The following PRDX4 variants were observed in gnomAD, a reference collection of about 807,000 sequenced individuals.
PRDX4 encodes the protein peroxiredoxin-4.
In PRDX4, 12 loss-of-function variants were observed where a neutral mutation model predicts 20.5. The ratio of observed to expected loss-of-function variants is 0.58; its 90% confidence interval spans 0.37 to 0.95. The LOEUF (loss-of-function observed/expected upper bound fraction) is 0.95, where lower values mean the gene tolerates loss of function less well. Ranked by LOEUF, PRDX4 falls within the 40% of genes least tolerant of loss-of-function variation. The probability of loss-of-function intolerance (pLI) is 0.01; values close to 1 mark genes in which losing one functional copy is unlikely to be tolerated. For synonymous variants in PRDX4, 99 were observed against 87.5 expected (o/e 1.13, Z -0.73); for missense variants, 180 against 207.3 (o/e 0.87, Z 0.81).
intron 1 of PRDX4, among the ~76,000 whole-genome samples, chrX:23,670,349 GCTGT>G (rs1927820675): frequency 9.0e-6 from 1 of 111,666 alleles, no homozygotes; most frequent in Admixed American, 9.6e-5. Context: ...ATACTCTTCT[GCTGT>G]CTATTTCTCC....
chrX:23,686,121 A>G, intron 6 of PRDX4, 164 bp from the exon 7 acceptor site: 1 of 469,440 alleles, frequency 2.1e-6, no homozygotes, highest in Non-Finnish European at 3.8e-6. Flanking sequence ...GTCTTTTGGA[A>G]TAGCCGAAAT....
chrX:23,683,670 G>A lies in PRDX4; in HGVS notation c.731-1G>A. ...CTTCTGCCTCTTTTTGTTTCTTTTA[G>A]TCTGCCCTGCTGGCTGGAAACCTGG... On this transcript the variant is annotated splice_acceptor_variant, in intron 5 of 6. Coordinates refer to ENST00000379341, the MANE Select transcript of PRDX4 (RefSeq NM_006406.2). LOFTEE classifies it high-confidence loss of function. 1 of 1,206,390 alleles carries A rather than the reference G, an allele frequency of 8.3e-7. No homozygotes were observed. The highest frequency in any genetic ancestry group is 1.1e-6 in the Non-Finnish European group (1 of 893,161).
intron 2 of PRDX4, 26 bp from the exon 3 acceptor site, chrX:23,674,964 A>T: frequency 8.4e-7 from 1 of 1,192,115 alleles, no homozygotes; most frequent in South Asian, 1.8e-5. Context: ...GAGAATACTG[A>T]ATATTTTTTT....
At chrX:23,674,591 A>G (rs1927907992) in intron 2 of PRDX4, among the ~76,000 whole-genome samples, 1 of 58,242 alleles carries the variant, frequency 1.7e-5, no homozygotes, top group Non-Finnish European at 3.2e-5. Context: ...TTGGTATAGG[A>G]ATATTAAAAA....
intron 1 of PRDX4, among the ~76,000 whole-genome samples, chrX:23,670,844 C>T (rs1222012734): frequency 5.4e-5 from 6 of 111,930 alleles, no homozygotes; most frequent in Non-Finnish European, 1.1e-4. Context: ...GTAGCCTCAT[C>T]TGCAGCAGGT....
chrX:23,682,631 T>C (rs1422608256), intron 5 of PRDX4, 105 bp downstream of exon 5: 4 of 664,474 alleles, frequency 6.0e-6, no homozygotes, highest in African/African-American at 4.8e-5. Flanking sequence ...TTTCTGATTA[T>C]TTACAAATTA....
chrX:23,668,803 T>C (rs926179525), intron 1 of PRDX4, among the ~76,000 whole-genome samples: 3 of 35,347 alleles, frequency 8.5e-5, no homozygotes, highest in Non-Finnish European at 2.0e-4. Context: ...AATGTTGTTA[T>C]GACTTAGGAT....
chrX:23,680,674 T>G (rs1309883181), intron 4 of PRDX4, among the ~76,000 whole-genome samples: 1 of 109,985 alleles, frequency 9.1e-6, no homozygotes, highest in Non-Finnish European at 1.9e-5. Flanking sequence ...GAGGATCCCT[T>G]GAGCCCAGGA....
intron 4 of PRDX4, among the ~76,000 whole-genome samples, chrX:23,679,646 A>C (rs2146792132): frequency 9.5e-6 from 1 of 105,088 alleles, no homozygotes; most frequent in Non-Finnish European, 1.9e-5. Context: ...AGATCATGCC[A>C]CTGCACTCCA....
chrX:23,678,808 G>T lies in PRDX4; in HGVS notation c.477-357G>T, dbSNP rs971344300. On this transcript the variant is annotated intron_variant, in intron 3 of 6. Transcript: ENST00000379341. ...TAAAACATTAGCCCAGTGGGATGGT[G>T]CACACCTGTAGTCCCAGCTTCTCAG... 2.7e-5 allele frequency among the ~76,000 whole-genome samples: 3 copies of T among 110,792 alleles called. No individual in the cohort carries two copies. In the East Asian group the frequency reaches 8.4e-4, roughly 31 times the overall value.
At chrX:23,677,400 C>T (rs1038060086) in intron 3 of PRDX4, among the ~76,000 whole-genome samples, 1 of 111,522 alleles carries the variant, frequency 9.0e-6, no homozygotes, top group African/African-American at 3.3e-5. Context: ...TGACATGATG[C>T]TCAAAGGAAA....
chrX:23,675,625 A>C (rs1422740699), intron 3 of PRDX4, among the ~76,000 whole-genome samples: 1 of 112,397 alleles, frequency 8.9e-6, no homozygotes, highest in Non-Finnish European at 1.9e-5. Flanking sequence ...ACGAGATGCC[A>C]ATTTTCCCTG....
At chrX:23,681,188 G>A (rs764061554) in intron 4 of PRDX4, among the ~76,000 whole-genome samples, 16 of 110,347 alleles carry the variant, frequency 1.4e-4, no homozygotes, top group Non-Finnish European at 3.0e-4. Flanking sequence ...AGCCGAGATC[G>A]CGCCACTGCA....
At chrX:23,672,993 T>C (rs918367372) in intron 2 of PRDX4, among the ~76,000 whole-genome samples, 41 of 112,375 alleles carry the variant, frequency 3.6e-4, no homozygotes, top group African/African-American at 1.3e-3. Flanking sequence ...GTGACTTGAT[T>C]TTTTTAAGTA....
chrX:23,684,662 A>G (rs1292752983), intron 6 of PRDX4, among the ~76,000 whole-genome samples: 1 of 109,973 alleles, frequency 9.1e-6, no homozygotes, highest in African/African-American at 3.3e-5. Context: ...CACCACACCC[A>G]GCTAATTTTT....
In PRDX4 at chrX:23,667,824, C is replaced by T. The variant is rs1229377986; in HGVS notation, c.241+13C>T. ...AGCAAAGCGAAGAGTAGGTGGTGTCCCGCCAAAGGGTGGGAGGGGAGATTC... is the reference window on the plus strand; with the variant it reads ...AGCAAAGCGAAGAGTAGGTGGTGTCTCGCCAAAGGGTGGGAGGGGAGATTC... On this transcript the variant is annotated intron_variant, in intron 1 of 6. Coordinates refer to ENST00000379341, the MANE Select transcript of PRDX4 (RefSeq NM_006406.2). The T allele has an allele frequency of 1.7e-6, 2 of 1,208,807 alleles. No homozygotes were observed. Among genetic ancestry groups the T allele is most frequent in the Admixed American group, 4.3e-5 (2 of 45,998 alleles).
intron 4 of PRDX4, among the ~76,000 whole-genome samples, chrX:23,680,567 T>C (rs5925872): frequency 0.23 from 25,828 of 109,917 alleles, 2,767 homozygotes; most frequent in South Asian, 0.36. Context: ...TATTGGAATA[T>C]AGTTCACATA....
rs35697363 is a variant in PRDX4, at chrX:23,682,294, GTGTT to G, written c.600-97_600-94del. 2,463 of 539,521 alleles carry G rather than the reference GTGTT, an allele frequency of 4.6e-3. 51 individuals are homozygous for G. In the African/African-American group the frequency reaches 0.055, roughly 12 times the overall value. 44.5% of individuals were successfully genotyped at this position (539,521 alleles called of 1,213,427 possible). A position where few individuals can be genotyped will look rare whatever the true frequency, so the allele number is the denominator to read the frequency against. On this transcript the variant is annotated intron_variant, in intron 4 of 6. Transcript: ENST00000379341. ...ACCATTGGAGTAGGTAGGTAGTGTGGTGTTTGTTCTGTATAGCATCCTTTTGTGT... is the reference window on the plus strand; with the variant it reads ...ACCATTGGAGTAGGTAGGTAGTGTGGTGTTCTGTATAGCATCCTTTTGTGT...
chrX:23,676,136 C>CAAAAAAAAAAAAAAAAAAAAAAAAAAAA (rs55792240), intron 3 of PRDX4, among the ~76,000 whole-genome samples: 1 of 54,999 alleles, frequency 1.8e-5, no homozygotes, highest in Non-Finnish European at 3.3e-5. Context: ...AACTCCATCT[C>CAAAAAAAAAAAAAAAAAAAAAAAAAAAA]AAAAAAAAAA....
Sources: gnomAD v4.1 joint callset for allele counts (sites outside exome capture counted in the v4.1 genomes callset) on GRCh38, gnomAD v4.1.1 for gene constraint, MANE v1.5 for transcripts, NCBI Gene and HGNC (gene_info 2026-07-23, HGNC 2026-07-21) for gene names.